The following NPR3 variants were observed in gnomAD, a reference collection of about 807,000 sequenced individuals.
NPR3 encodes the protein natriuretic peptide receptor 3, also known as atrial natriuretic peptide receptor 3.
In NPR3, 34 loss-of-function variants were observed where a neutral mutation model predicts 54.5. The observed-to-expected ratio is 0.62, with a 90% CI of 0.47 to 0.83. The LOEUF (loss-of-function observed/expected upper bound fraction) is 0.83, where lower values mean the gene tolerates loss of function less well. Among genes scored for constraint, NPR3 ranks in the 40% least tolerant of loss-of-function variants. NPR3 has a pLI of 0.00. For synonymous variants in NPR3, 289 were observed against 297.1 expected (o/e 0.97, Z 0.28); for missense variants, 674 against 720.8 (o/e 0.94, Z 0.74).
At chr5:32,745,407 A>G (rs943749454) in intron 3 of NPR3, among the ~76,000 whole-genome samples, 1 of 152,286 alleles carries the variant, frequency 6.6e-6, no homozygotes, top group Middle Eastern at 3.4e-3. Flanking sequence ...GCCCTCACTC[A>G]AGGGCATCTT....
chr5:32,773,316 C>CA (rs1489899894), intron 3 of NPR3, among the ~76,000 whole-genome samples: 1 of 152,158 alleles, frequency 6.6e-6, no homozygotes, highest in African/African-American at 2.4e-5. Context: ...ATTTCATATC[C>CA]AATAAATGTT....
chr5:32,745,177 A>C (rs700926), intron 3 of NPR3, among the ~76,000 whole-genome samples: 49,172 of 151,932 alleles, frequency 0.32, 8,822 homozygotes, highest in African/African-American at 0.49. Flanking sequence ...TTCAGTTTCA[A>C]TTATACCATG....
Position 32,781,244 on chromosome 5 carries a change from G to A in NPR3, c.1290+428G>A, listed in dbSNP as rs142357560. 1.5e-3 allele frequency among the ~76,000 whole-genome samples: 223 copies of A among 152,048 alleles called. 1 individual carries two copies. Among genetic ancestry groups the A allele is most frequent in the African/African-American group, 5.1e-3 (212 of 41,380 alleles). Reference sequence around the variant, plus strand: ...CCCTGGACACAAAGATGAGTCTTCCGTGCTTGGGAGTGTGAACTCTCTGCC... The same window carrying A: ...CCCTGGACACAAAGATGAGTCTTCCATGCTTGGGAGTGTGAACTCTCTGCC... On this transcript the variant is annotated intron_variant, in intron 5 of 7. Coordinates refer to ENST00000265074, the MANE Select transcript of NPR3 (RefSeq NM_001204375.2).
In NPR3 at chr5:32,711,538, A is replaced by G. The variant is rs1438268570; in HGVS notation, c.-239A>G. 2 of 850,632 alleles carry G rather than the reference A, an allele frequency of 2.4e-6. No individual in the cohort carries two copies. The highest frequency in any genetic ancestry group is 1.5e-6 in the Non-Finnish European group (1 of 682,658). The allele number at this position is 850,632 out of a possible 1,614,324, so 52.7% of individuals were successfully genotyped here. ...GTATATTACAGACGCACAGGTTTAC[A>G]CCCGGTGAACTTTTTCTTTTTCTTT... On this transcript the variant is annotated 5_prime_UTR_variant, in exon 1 of 8. Coordinates refer to ENST00000265074, the MANE Select transcript of NPR3 (RefSeq NM_001204375.2).
chr5:32,748,420 A>G (rs1740410095), intron 3 of NPR3, among the ~76,000 whole-genome samples: 1 of 139,210 alleles, frequency 7.2e-6, no homozygotes, highest in African/African-American at 2.7e-5. Flanking sequence ...GCCAGAGATT[A>G]GCAACAGCAG....
chr5:32,783,856 C>G (rs971404365), intron 6 of NPR3, among the ~76,000 whole-genome samples: 1 of 152,100 alleles, frequency 6.6e-6, no homozygotes, highest in Non-Finnish European at 1.5e-5. Context: ...AAGAAATGTG[C>G]CCACCTAAGC....
chr5:32,767,997 C>T (rs1295263491), intron 3 of NPR3, among the ~76,000 whole-genome samples: 1 of 152,182 alleles, frequency 6.6e-6, no homozygotes, highest in Non-Finnish European at 1.5e-5. Context: ...CCTGATCACC[C>T]CTCTTCCTGT....
At position 32,738,922 on chromosome 5, in the gene NPR3, G is replaced by C. The variant is rs765541392; in HGVS notation, c.951G>C (p.Ser317=). 6.2e-7 allele frequency: 1 copy of C among 1,613,870 alleles called. No homozygotes were observed. The highest frequency in any genetic ancestry group is 2.2e-5 in the East Asian group (1 of 44,884). The change falls in exon 3 of 8, where the codon TCG becomes TCC. Residue 317 remains serine, a synonymous_variant. Transcript: ENST00000265074. The part of the protein sequence containing the change: ...KHDFEAKQAY[S]SLQTVTLLRT... ...ACTTTGAAGCTAAGCAAGCATACTC[G>C]TCCCTCCAGACAGTCACTCTACTGA... is the stretch of plus-strand genomic sequence containing the variant.
chr5:32,771,958 TAA>T (rs367783230), intron 3 of NPR3, among the ~76,000 whole-genome samples: 3 of 144,732 alleles, frequency 2.1e-5, no homozygotes, highest in African/African-American at 7.6e-5. Context: ...ACCTCAAACT[TAA>T]AAAAAAAAAG....
chr5:32,756,683 C>T (rs530338162), intron 3 of NPR3, among the ~76,000 whole-genome samples: 60 of 152,312 alleles, frequency 3.9e-4, no homozygotes, highest in African/African-American at 1.3e-3. Context: ...TTGCCCATGC[C>T]TATGTCCTGA....
intron 2 of NPR3, among the ~76,000 whole-genome samples, chr5:32,734,469 C>T (rs755368312): frequency 6.6e-6 from 1 of 152,184 alleles, no homozygotes; most frequent in Non-Finnish European, 1.5e-5. Context: ...GATCGCTGGG[C>T]ACAGGGCTTG....
In NPR3 at chr5:32,754,314, G is replaced by T. The variant is rs560774857; in HGVS notation, c.1059+15284G>T. On this transcript the variant is annotated intron_variant, in intron 3 of 7. Coordinates refer to ENST00000265074, the MANE Select transcript of NPR3 (RefSeq NM_001204375.2). Reference sequence around the variant, plus strand: ...TAAATGAAGTAAACCACACTGAGTTGCTCTTGGAAGTTATGAAAAATGATT... The same window carrying T: ...TAAATGAAGTAAACCACACTGAGTTTCTCTTGGAAGTTATGAAAAATGATT... Among the ~76,000 whole-genome samples the T allele has an allele frequency of 5.5e-4, 84 of 151,956 alleles. 1 individual carries two copies. The highest frequency in any genetic ancestry group is 1.2e-3 in the Admixed American group (18 of 15,262).
At chr5:32,760,244 C>G (rs1741090000) in intron 3 of NPR3, among the ~76,000 whole-genome samples, 1 of 152,002 alleles carries the variant, frequency 6.6e-6, no homozygotes. Context: ...AATGGAATTG[C>G]TGAGTCATAG....
intron 1 of NPR3, among the ~76,000 whole-genome samples, chr5:32,700,442 A>G (rs1740638495): frequency 6.6e-6 from 1 of 151,704 alleles, no homozygotes; most frequent in Non-Finnish European, 1.5e-5. Flanking sequence ...ACATGCGCAC[A>G]ATGTGCAGGT....
chr5:32,708,574 T>C (rs1738058716), upstream of NPR3, among the ~76,000 whole-genome samples: 1 of 152,244 alleles, frequency 6.6e-6, no homozygotes, highest in Admixed American at 6.5e-5. Flanking sequence ...TTTAAAAATA[T>C]TCTCAGGGGA....
intron 1 of NPR3, among the ~76,000 whole-genome samples, chr5:32,702,312 G>A (rs1399135207): frequency 6.6e-6 from 1 of 152,006 alleles, no homozygotes. Flanking sequence ...ACAATGTGCA[G>A]GTTAGTTACA....
chr5:32,757,245 G>C (rs888453570), intron 3 of NPR3, among the ~76,000 whole-genome samples: 10 of 152,298 alleles, frequency 6.6e-5, no homozygotes, highest in African/African-American at 2.4e-4. Context: ...AGCATGGAAT[G>C]TTCTTCCATT....
At chr5:32,753,006 C>T (rs1418401641) in intron 3 of NPR3, among the ~76,000 whole-genome samples, 2 of 152,014 alleles carry the variant, frequency 1.3e-5, no homozygotes, top group African/African-American at 2.4e-5. Flanking sequence ...TTTGTTTGAT[C>T]GTAAATAAGT....
chr5:32,786,090 T>A (rs1459891283), intron 7 of NPR3, 144 bp from the exon 8 acceptor site: 1 of 584,124 alleles, frequency 1.7e-6, no homozygotes, highest in Non-Finnish European at 3.0e-6. Context: ...GCACACTACT[T>A]TAATCTCTGA....
Sources: gnomAD v4.1 joint callset for allele counts (sites outside exome capture counted in the v4.1 genomes callset) on GRCh38, gnomAD v4.1.1 for gene constraint, MANE v1.5 for transcripts, NCBI Gene and HGNC (gene_info 2026-07-23, HGNC 2026-07-21) for gene names.